RBM20: variants seen among roughly 807,000 people sequenced by gnomAD.
The protein encoded by RBM20 is RNA-binding protein 20.
In RBM20, 51 loss-of-function variants were observed where a neutral mutation model predicts 110.1. The ratio of observed to expected loss-of-function variants is 0.46; its 90% confidence interval spans 0.37 to 0.59. RBM20 has a LOEUF of 0.59. RBM20 is among the 20% of genes least tolerant of loss of function. The pLI, the probability that RBM20 is intolerant of heterozygous loss-of-function variation, is 0.00. For missense variants in RBM20, 1,512 were observed against 1,574.9 expected, an observed-to-expected ratio of 0.96 and a Z score of 0.68; for synonymous variants, 589 against 618.2, an observed-to-expected ratio of 0.95 and a Z score of 0.70.
At chr10:110,660,770 A>G (rs562122795) in intron 1 of RBM20, among the ~76,000 whole-genome samples, 1 of 152,148 alleles carries the variant, frequency 6.6e-6, no homozygotes, top group Non-Finnish European at 1.5e-5. Flanking sequence ...GGTGAGTTGT[A>G]TAATTATTTC....
intron 1 of RBM20, among the ~76,000 whole-genome samples, chr10:110,723,585 C>T (rs1590637136): frequency 6.6e-6 from 1 of 152,316 alleles, no homozygotes; most frequent in East Asian, 1.9e-4. Flanking sequence ...ATTCTTGCAG[C>T]ACTTATTATC....
At chr10:110,813,710 C>T (rs1468225997) in intron 9 of RBM20, among the ~76,000 whole-genome samples, 1 of 152,098 alleles carries the variant, frequency 6.6e-6, no homozygotes, top group Non-Finnish European at 1.5e-5. Flanking sequence ...TGGTGCACCC[C>T]TGTAGTCCCA....
At chr10:110,742,384 G>A (rs11195299) in intron 1 of RBM20, among the ~76,000 whole-genome samples, 12,315 of 152,126 alleles carry the variant, frequency 0.081, 943 homozygotes, top group East Asian at 0.42. Context: ...TTCCACACAT[G>A]ACTTAAGAGA....
intron 1 of RBM20, among the ~76,000 whole-genome samples, chr10:110,653,199 C>A (rs1861976294): frequency 6.6e-6 from 1 of 152,192 alleles, no homozygotes; most frequent in Non-Finnish European, 1.5e-5. Flanking sequence ...AAACAAAACA[C>A]ATTTTACTTC....
At chr10:110,756,118 C>T (rs1433067137) in intron 1 of RBM20, among the ~76,000 whole-genome samples, 2 of 152,208 alleles carry the variant, frequency 1.3e-5, no homozygotes, top group African/African-American at 2.4e-5. Flanking sequence ...TTGTGAGTCC[C>T]ATCTTTGGGC....
chr10:110,728,976 C>G (rs946531226), intron 1 of RBM20, among the ~76,000 whole-genome samples: 1 of 152,178 alleles, frequency 6.6e-6, no homozygotes, highest in African/African-American at 2.4e-5. Context: ...TTCTTCACTG[C>G]TCCCCTGCCC....
chr10:110,778,073 C>T (rs1170485883), intron 1 of RBM20, among the ~76,000 whole-genome samples: 1 of 152,372 alleles, frequency 6.6e-6, no homozygotes, highest in Middle Eastern at 3.4e-3. Flanking sequence ...TGGTCGCTCC[C>T]CATTCTGCTG....
chr10:110,831,274 C>G, intron 13 of RBM20, 92 bp downstream of exon 13: 4 of 1,384,028 alleles, frequency 2.9e-6, no homozygotes, highest in Non-Finnish European at 3.9e-6. Flanking sequence ...TTGCTTGCCT[C>G]TGAGTCTAGC....
intron 1 of RBM20, among the ~76,000 whole-genome samples, chr10:110,735,898 T>C (rs564589298): frequency 6.6e-6 from 1 of 152,310 alleles, no homozygotes; most frequent in South Asian, 2.1e-4. Flanking sequence ...TTAGTGAACA[T>C]TCACCCCAAG....
Position 110,836,587 on chromosome 10 carries a change from C to T in RBM20, c.*609C>T, listed in dbSNP as rs1483855196. On this transcript the variant is annotated 3_prime_UTR_variant, in exon 14 of 14. Coordinates refer to ENST00000369519, the MANE Select transcript of RBM20 (RefSeq NM_001134363.3). ...CATTAACCTCTTCCTCCAACTGGGC[C>T]ACCCTTTTGAAAAGCCCCTGTTTTT... 2 of 152,168 alleles carry T rather than the reference C, an allele frequency of 1.3e-5. No individual in the cohort carries two copies. Among genetic ancestry groups the T allele is most frequent in the African/African-American group, 4.8e-5 (2 of 41,422 alleles). The allele number at this position is 152,168 out of a possible 1,614,324, so 9.4% of individuals were successfully genotyped here.
rs890224751 is a variant in RBM20, at chr10:110,786,239, G to A, written c.1527+1350G>A. Among the ~76,000 whole-genome samples, 13 of 152,356 alleles carry A rather than the reference G, an allele frequency of 8.5e-5. No homozygotes were observed. In the South Asian group the frequency reaches 2.7e-3, roughly 32 times the overall value. On this transcript the variant is annotated intron_variant, in intron 5 of 13. Coordinates refer to ENST00000369519, the MANE Select transcript of RBM20 (RefSeq NM_001134363.3). The stretch of plus-strand genomic sequence containing the variant: ...CCTGCTGGAGGGCACCTGTTTGTGT[G>A]CCTTAGCCTGTGCCTGTGCTTTTGT...
chr10:110,766,777 T>G (rs1176707247), intron 1 of RBM20, among the ~76,000 whole-genome samples: 1 of 151,544 alleles, frequency 6.6e-6, no homozygotes, highest in African/African-American at 2.4e-5. Flanking sequence ...TCCCCGCCTT[T>G]CCCCTCTTTC....
chr10:110,734,040 A>G (rs770932331), intron 1 of RBM20, among the ~76,000 whole-genome samples: 1 of 151,838 alleles, frequency 6.6e-6, no homozygotes, highest in Non-Finnish European at 1.5e-5. Context: ...AATCAAATCA[A>G]CCCCTCCCTT....
chr10:110,718,827 GC>G (rs1843468551), intron 1 of RBM20, among the ~76,000 whole-genome samples: 1 of 151,890 alleles, frequency 6.6e-6, no homozygotes, highest in Non-Finnish European at 1.5e-5. Context: ...TGTTGGCCAG[GC>G]TGGTCTTGAC....
rs529262759 is a variant in RBM20, at chr10:110,812,448, G to A, written c.2051G>A (p.Arg684Lys). ...TGGGAGCACTCTCCCTATGCCAGGAGGGAGGAAGAGCGAGACCCGGCTCCC... is the reference window on the plus strand; with the variant it reads ...TGGGAGCACTCTCCCTATGCCAGGAAGGAGGAAGAGCGAGACCCGGCTCCC... ...DSWEHSPYAR[R>K]EEERDPAPWR... is the part of the protein sequence containing the mutation. The change falls in exon 9 of 14, where the codon AGG (arginine) becomes AAG (lysine). Residue 684 changes from arginine (R) to lysine (K), a missense_variant. Transcript: ENST00000369519. 10 of 1,551,752 alleles carry A rather than the reference G, an allele frequency of 6.4e-6. No homozygotes were observed. The East Asian group carries it at 2.0e-4, about 30-fold the overall frequency.
At chr10:110,686,179 G>A (rs114449580) in intron 1 of RBM20, among the ~76,000 whole-genome samples, 180 of 152,236 alleles carry the variant, frequency 1.2e-3, no homozygotes, top group African/African-American at 4.0e-3. Flanking sequence ...TGACAATGTC[G>A]TCATGACTCT....
intron 11 of RBM20, chr10:110,822,459 A>G (rs767052224): frequency 2.2e-6 from 1 of 456,942 alleles, no homozygotes; most frequent in Non-Finnish European, 4.4e-6. Context: ...TTGTTTCAGG[A>G]TATTCTCTCA....
intron 1 of RBM20, among the ~76,000 whole-genome samples, chr10:110,678,542 T>G (rs1055158551): frequency 3.3e-5 from 5 of 152,120 alleles, no homozygotes; most frequent in Non-Finnish European, 7.3e-5. Context: ...GAAGGTACAG[T>G]TTGGTTTTGG....
chr10:110,812,491 T>A lies in RBM20; in HGVS notation c.2094T>A (p.Asp698Glu), dbSNP rs1385802516. The stretch of plus-strand genomic sequence containing the variant: ...CGGCTCCCTGGAGGGACAACGGAGA[T>A]GACAAGAGGGACAGGATGGACCCCT... ...RDPAPWRDNG[D>E]DKRDRMDPWA... Residue 698 changes from aspartate to glutamate, a missense_variant, in exon 9 of 14, where the codon GAT (aspartate) becomes GAA (glutamate). Physicochemically the swap from Asp to Glu is conservative, Grantham distance 45. This residue lies in a region of RBM20 where 1,149 missense variants were observed against 1,169.4 expected (regional missense o/e 0.98). Coordinates refer to ENST00000369519, the MANE Select transcript of RBM20 (RefSeq NM_001134363.3). The A allele has an allele frequency of 6.4e-7, 1 of 1,551,286 alleles. No homozygotes were observed. The highest frequency in any genetic ancestry group is 8.7e-7 in the Non-Finnish European group (1 of 1,146,926).
Sources: allele counts gnomAD v4.1 joint callset (sites outside exome capture counted in the v4.1 genomes callset), GRCh38; gene constraint gnomAD v4.1.1; regional missense constraint gnomAD v4.1.1; transcripts MANE v1.5; gene names NCBI Gene and HGNC (gene_info 2026-07-23, HGNC 2026-07-21).